Variants in TRH observed in about 807,000 individuals in gnomAD.
TRH encodes TSH-releasing factor.
A neutral mutation model predicts 5.2 loss-of-function variants in TRH; 5 were observed. The ratio of observed to expected loss-of-function variants is 0.95; its 90% confidence interval spans 0.50 to 2.00. The LOEUF (loss-of-function observed/expected upper bound fraction) is 2.00. Among genes scored for constraint, TRH ranks in the 30% most tolerant of loss-of-function variants. The probability of loss-of-function intolerance (pLI) is 0.01; values close to 1 mark genes in which losing one functional copy is unlikely to be tolerated. For synonymous variants in TRH, 131 were observed against 128.6 expected, an observed-to-expected ratio of 1.02 and a Z score of -0.13; for missense variants, 318 against 312.8, an observed-to-expected ratio of 1.02 and a Z score of -0.13.
rs1446583956 is a variant in TRH, at chr3:129,976,835, T to A, written c.348T>A (p.Pro116=). 4 of 1,613,544 alleles carry A rather than the reference T, an allele frequency of 2.5e-6. No homozygotes were observed. In the African/African-American group the frequency reaches 5.3e-5, roughly 22 times the overall value. ...TGGGACCCCACAAACGGCAGCACCCTGGCCGACGAGAAGATGAGGCTTCAT... is the reference window on the plus strand; with the variant it reads ...TGGGACCCCACAAACGGCAGCACCCAGGCCGACGAGAAGATGAGGCTTCAT... The part of the protein sequence containing the change: ...GAVGPHKRQH[P]GRREDEASWS... Residue 116 remains proline (P), a synonymous_variant, in exon 3 of 3, where the codon CCT becomes CCA. Coordinates refer to ENST00000302649, the MANE Select transcript of TRH (RefSeq NM_007117.5).
chr3:129,977,581 G>A lies in TRH; in HGVS notation c.*365G>A, dbSNP rs2108063495. ...AGTGGGACAGGGAGCCCCTGGGAGG[G>A]CAGCCAGTGAGGGTGGGGTGGGACT... On this transcript the variant is annotated 3_prime_UTR_variant, in exon 3 of 3. Transcript: ENST00000302649. 5.7e-6 allele frequency: 1 copy of A among 176,206 alleles called. No homozygotes were observed. Among genetic ancestry groups the A allele is most frequent in the Non-Finnish European group, 1.2e-5 (1 of 83,886 alleles). The allele number at this position is 176,206 out of a possible 1,614,324, so 10.9% of individuals were successfully genotyped here.
In TRH at chr3:129,977,154, G is replaced by A. The variant is rs2062550503; in HGVS notation, c.667G>A (p.Glu223Lys). The A allele has an allele frequency of 1.3e-6, 2 of 1,520,444 alleles. No homozygotes were observed. Among genetic ancestry groups the A allele is most frequent in the East Asian group, 2.3e-5 (1 of 43,692 alleles). The allele number at this position is 1,520,444 out of a possible 1,614,324, so 94.2% of individuals were successfully genotyped here. A position where few individuals can be genotyped will look rare whatever the true frequency, so the allele number is the denominator to read the frequency against. The change falls in exon 3 of 3, where the codon GAG becomes AAG. Residue 223 changes from glutamate to lysine, a missense_variant. Coordinates refer to ENST00000302649, the MANE Select transcript of TRH (RefSeq NM_007117.5). ...TGACCTGAGTAGGAGCCAGGGAGCTGAGGAAAAGCGGCAGCACCCTGGTCG... is the reference window on the plus strand; with the variant it reads ...TGACCTGAGTAGGAGCCAGGGAGCTAAGGAAAAGCGGCAGCACCCTGGTCG... Reference protein sequence around the residue: ...LDDLSRSQGAEEKRQHPGRRA... With the variant: ...LDDLSRSQGAKEKRQHPGRRA...
rs1356176094 is a variant in TRH at position 129,977,671 on chromosome 3, A to G, written c.*455A>G. 1.3e-5 allele frequency: 2 copies of G among 154,058 alleles called. No individual in the cohort carries two copies. The highest frequency in any genetic ancestry group is 2.4e-5 in the African/African-American group (1 of 41,432). The allele number at this position is 154,058 out of a possible 1,614,324, so 9.5% of individuals were successfully genotyped here. On this transcript the variant is annotated 3_prime_UTR_variant, in exon 3 of 3. Transcript: ENST00000302649. ...ACCTGGCAGGATTCTCCATGTGTAA[A>G]CTTCACCCCCAGGACCCAGGATCTT...
In TRH at chr3:129,977,255, T is replaced by A. The variant is rs1330718744; in HGVS notation, c.*39T>A. ...TGAAGTCGAGTTTGTGGTCTAAGGA[T>A]GTCTTGAGCCCTGTGTGCCCCACCA... On this transcript the variant is annotated 3_prime_UTR_variant, in exon 3 of 3. Transcript: ENST00000302649. The A allele has an allele frequency of 2.7e-6, 4 of 1,508,138 alleles. No individual in the cohort carries two copies. The highest frequency in any genetic ancestry group is 3.5e-6 in the Non-Finnish European group (4 of 1,131,722). 93.4% of individuals were successfully genotyped at this position (1,508,138 alleles called of 1,614,324 possible).
Position 129,975,101 on chromosome 3 carries a change from T to C in TRH, c.-9+278T>C, listed in dbSNP as rs2062534880. On this transcript the variant is annotated intron_variant, in intron 1 of 2. Transcript: ENST00000302649. ...TGGGAGCTCCGCGGCACCCCCTGCC[T>C]GGGTGCCGCCGGACAGAGCTGGGTA... 2.6e-5 allele frequency among the ~76,000 whole-genome samples: 4 copies of C among 152,192 alleles called. No individual in the cohort carries two copies. In the South Asian group the frequency reaches 8.3e-4, roughly 32 times the overall value.
rs748488094 is a variant in TRH at position 129,975,901 on chromosome 3, G to A, written c.85G>A (p.Ala29Thr). 8.7e-6 allele frequency: 14 copies of A among 1,613,274 alleles called. No individual in the cohort carries two copies. Among genetic ancestry groups the A allele is most frequent in the Non-Finnish European group, 1.2e-5 (14 of 1,179,858 alleles). ...CGGCGGCCGTGCTCAGCCAGAGGCG[G>A]CCCAGCAGGAGGCAGTGACGGCCGC... is the stretch of plus-strand genomic sequence containing the variant. ...VPGGRAQPEA[A>T]QQEAVTAAEH... The change falls in exon 2 of 3, where the codon GCC becomes ACC. Residue 29 changes from alanine to threonine, a missense_variant. Transcript: ENST00000302649.
Position 129,977,302 on chromosome 3 carries a change from A to G in TRH, c.*86A>G. On this transcript the variant is annotated 3_prime_UTR_variant, in exon 3 of 3. Transcript: ENST00000302649. ...ACCATTCATGACCTCTGTATTCTCT[A>G]GTTAGATCCCTGACCATAAGCCTGA... 1 of 1,429,646 alleles carries G rather than the reference A, an allele frequency of 7.0e-7. No homozygotes were observed. 88.6% of individuals were successfully genotyped at this position (1,429,646 alleles called of 1,614,324 possible).
chr3:129,975,671 C>A (rs1417083475), intron 1 of TRH, 138 bp from the exon 2 acceptor site: 4 of 963,496 alleles, frequency 4.2e-6, no homozygotes, highest in Non-Finnish European at 4.5e-6. Flanking sequence ...TGCTCCCGCC[C>A]CTGCACGAGG....
chr3:129,977,148 G>A lies in TRH; in HGVS notation c.661G>A (p.Gly221Arg), dbSNP rs566918901. 5.9e-6 allele frequency: 9 copies of A among 1,526,920 alleles called. No individual in the cohort carries two copies. In the East Asian group the frequency reaches 1.8e-4, roughly 31 times the overall value. 94.6% of individuals were successfully genotyped at this position (1,526,920 alleles called of 1,614,324 possible). ...GLLDDLSRSQ[G>R]AEEKRQHPGR... ...CCTGGATGACCTGAGTAGGAGCCAG[G>A]GAGCTGAGGAAAAGCGGCAGCACCC... Residue 221 changes from glycine to arginine, a missense_variant, in exon 3 of 3, where the codon GGA becomes AGA. Transcript: ENST00000302649.
Position 129,975,739 on chromosome 3 carries a change from G to A in TRH, c.-8-70G>A, listed in dbSNP as rs2062538755. 4.9e-6 allele frequency: 7 copies of A among 1,440,430 alleles called. No homozygotes were observed. In the Admixed American group the frequency reaches 1.6e-4, roughly 32 times the overall value. 89.2% of individuals were successfully genotyped at this position (1,440,430 alleles called of 1,614,324 possible). ...ACTGTGCGTGGTTTGTTTCTGGCGG[G>A]CGTCGGGGGAGATGGAGCGGGATGT... On this transcript the variant is annotated intron_variant, in intron 1 of 2. Transcript: ENST00000302649.
chr3:129,976,267 T>C (rs1183506794), intron 2 of TRH, among the ~76,000 whole-genome samples: 1 of 152,254 alleles, frequency 6.6e-6, no homozygotes. Context: ...GGGAAGCTTC[T>C]GTGTGCTAGG....
At chr3:129,975,351 G>A (rs1444705479) in intron 1 of TRH, among the ~76,000 whole-genome samples, 1 of 152,150 alleles carries the variant, frequency 6.6e-6, no homozygotes, top group Non-Finnish European at 1.5e-5. Context: ...TGAGGACGTC[G>A]GCCACGGAGC....
chr3:129,977,585 C>T lies in TRH; in HGVS notation c.*369C>T. Reference sequence around the variant, plus strand: ...GGACAGGGAGCCCCTGGGAGGGCAGCCAGTGAGGGTGGGGTGGGACTGAAG... The same window carrying T: ...GGACAGGGAGCCCCTGGGAGGGCAGTCAGTGAGGGTGGGGTGGGACTGAAG... On this transcript the variant is annotated 3_prime_UTR_variant, in exon 3 of 3. Coordinates refer to ENST00000302649, the MANE Select transcript of TRH (RefSeq NM_007117.5). 5.7e-6 allele frequency: 1 copy of T among 175,054 alleles called. No individual in the cohort carries two copies. The highest frequency in any genetic ancestry group is 1.2e-5 in the Non-Finnish European group (1 of 83,020). 10.8% of individuals were successfully genotyped at this position (175,054 alleles called of 1,614,324 possible).
rs749920654 is a variant in TRH at position 129,976,013 on chromosome 3, A to G, written c.197A>G (p.Gln66Arg). 1.9e-6 allele frequency: 3 copies of G among 1,613,936 alleles called. No homozygotes were observed. The highest frequency in any genetic ancestry group is 2.5e-6 in the Non-Finnish European group (3 of 1,179,958). Residue 66 changes from glutamine to arginine, a missense_variant, in exon 2 of 3, where the codon CAG becomes CGG. Coordinates refer to ENST00000302649, the MANE Select transcript of TRH (RefSeq NM_007117.5). Reference protein sequence around the residue: ...RENIQRLQGDQGEHSASQIFQ... With the variant: ...RENIQRLQGDRGEHSASQIFQ... ...AACATCCAGCGGCTGCAAGGGGACC[A>G]GGGTGAGCACTCCGGTGAGTGGATG... is the stretch of plus-strand genomic sequence containing the variant.
Position 129,977,092 on chromosome 3 carries a change from C to T in TRH, c.605C>T (p.Ala202Val). ...GGAGGCCCCTGTGGGCCCCAGGGAGCCTATGGTCAAGCGGGCCTTCTGCTG... is the reference window on the plus strand; with the variant it reads ...GGAGGCCCCTGTGGGCCCCAGGGAGTCTATGGTCAAGCGGGCCTTCTGCTG... ...ALGGPCGPQG[A>V]YGQAGLLLGL... Residue 202 changes from alanine to valine, a missense_variant, in exon 3 of 3, where the codon GCC becomes GTC. Coordinates refer to ENST00000302649, the MANE Select transcript of TRH (RefSeq NM_007117.5). 1.3e-6 allele frequency: 2 copies of T among 1,584,984 alleles called. No individual in the cohort carries two copies. The highest frequency in any genetic ancestry group is 1.7e-6 in the Non-Finnish European group (2 of 1,166,078).
Position 129,977,487 on chromosome 3 carries a change from C to A in TRH, c.*271C>A, listed in dbSNP as rs1484871762. Reference sequence around the variant, plus strand: ...GATCCCAGAGCCCCTCTCACCCCCCCCACCACAGGCCTGCTCCTTCCTTAG... The same window carrying A: ...GATCCCAGAGCCCCTCTCACCCCCCACACCACAGGCCTGCTCCTTCCTTAG... On this transcript the variant is annotated 3_prime_UTR_variant, in exon 3 of 3. Transcript: ENST00000302649. 3 of 325,586 alleles carry A rather than the reference C, an allele frequency of 9.2e-6. No individual in the cohort carries two copies. The highest frequency in any genetic ancestry group is 4.2e-5 in the African/African-American group (2 of 47,352). The allele number at this position is 325,586 out of a possible 1,614,324, so 20.2% of individuals were successfully genotyped here.
rs753654116 is a variant in TRH, at chr3:129,975,861, C to A, written c.45C>A (p.Asn15Lys). ...WLLLALALTLNLTGVPGGRAQ... is the reference protein window; with the variant it reads ...WLLLALALTLKLTGVPGGRAQ... Reference sequence around the variant, plus strand: ...TGCTCGCTCTGGCTTTGACCCTGAACCTGACCGGTGTCCCCGGCGGCCGTG... The same window carrying A: ...TGCTCGCTCTGGCTTTGACCCTGAAACTGACCGGTGTCCCCGGCGGCCGTG... Residue 15 changes from asparagine (N) to lysine (K), a missense_variant, in exon 2 of 3, where the codon AAC (asparagine) becomes AAA (lysine). Asn to Lys is a moderately conservative substitution (Grantham distance 94). Coordinates refer to ENST00000302649, the MANE Select transcript of TRH (RefSeq NM_007117.5). 7 of 1,612,400 alleles carry A rather than the reference C, an allele frequency of 4.3e-6. No homozygotes were observed. In the East Asian group the frequency reaches 1.6e-4, roughly 36 times the overall value.
rs1053645751 is a variant in TRH at position 129,975,887 on chromosome 3, C to T, written c.71C>T (p.Ala24Val). 5 of 1,613,136 alleles carry T rather than the reference C, an allele frequency of 3.1e-6. No individual in the cohort carries two copies. The African/African-American group carries it at 5.3e-5, about 17-fold the overall frequency. ...LNLTGVPGGR[A>V]QPEAAQQEAV... is the part of the protein sequence containing the mutation. ...CTGACCGGTGTCCCCGGCGGCCGTG[C>T]TCAGCCAGAGGCGGCCCAGCAGGAG... is the stretch of plus-strand genomic sequence containing the variant. Residue 24 changes from alanine to valine, a missense_variant, in exon 2 of 3, where the codon GCT (alanine) becomes GTT (valine). By Grantham distance (64) the Ala-to-Val change is moderately conservative. Coordinates refer to ENST00000302649, the MANE Select transcript of TRH (RefSeq NM_007117.5).
intron 2 of TRH, 86 bp from the exon 3 acceptor site, chr3:129,976,613 G>A: frequency 1.4e-6 from 2 of 1,460,320 alleles, no homozygotes; most frequent in African/African-American, 1.4e-5. Context: ...AATGTACCCT[G>A]CCTGGGAGAA....
Sources: allele counts gnomAD v4.1 joint callset (sites outside exome capture counted in the v4.1 genomes callset), GRCh38; gene constraint gnomAD v4.1.1; transcripts MANE v1.5; gene names NCBI Gene and HGNC (gene_info 2026-07-23, HGNC 2026-07-21).